Variants in UBASH3B observed in about 807,000 individuals in gnomAD.
UBASH3B encodes ubiquitin associated and SH3 domain containing B.
A neutral mutation model predicts 83.4 loss-of-function variants in UBASH3B; 37 were observed. The ratio of observed to expected loss-of-function variants is 0.44; its 90% CI spans 0.34 to 0.58. UBASH3B has a LOEUF of 0.58. UBASH3B is among the 20% of genes least tolerant of loss of function. The probability of loss-of-function intolerance (pLI) is 0.01; values close to 1 mark genes in which losing one functional copy is unlikely to be tolerated. For synonymous variants in UBASH3B, 304 were observed against 318.3 expected (o/e 0.96, Z 0.48); for missense variants, 657 against 827.2 (o/e 0.79, Z 2.52).
chr11:122,770,510 T>G (rs1860624488), intron 1 of UBASH3B, among the ~76,000 whole-genome samples: 1 of 151,972 alleles, frequency 6.6e-6, no homozygotes, highest in Non-Finnish European at 1.5e-5. Context: ...GCAGAAGGTA[T>G]TCCTTAGACA....
intron 1 of UBASH3B, among the ~76,000 whole-genome samples, chr11:122,696,884 A>G (rs370493705): frequency 1.3e-5 from 2 of 152,188 alleles, no homozygotes; most frequent in East Asian, 1.9e-4. Flanking sequence ...TGTTCAGAGC[A>G]AGCGTGGGTG....
At position 122,813,477 on chromosome 11, in the gene UBASH3B, A is replaced by C. The variant is rs1175657910; in HGVS notation, c.*3591A>C. 6.6e-6 allele frequency: 1 copy of C among 152,242 alleles called. No homozygotes were observed. Among genetic ancestry groups the C allele is most frequent in the Non-Finnish European group, 1.5e-5 (1 of 68,044 alleles). The allele number at this position is 152,242 out of a possible 1,614,324, so 9.4% of individuals were successfully genotyped here. A position where few individuals can be genotyped will look rare whatever the true frequency, so the allele number is the denominator to read the frequency against. ...CTTTTGAAATTACTCTAAGTAATCC[A>C]TGTGTTAGAATACAGATGAACCTCC... On this transcript the variant is annotated 3_prime_UTR_variant, in exon 14 of 14. Transcript: ENST00000284273.
At chr11:122,700,138 C>A (rs910642730) in intron 1 of UBASH3B, among the ~76,000 whole-genome samples, 7 of 152,184 alleles carry the variant, frequency 4.6e-5, no homozygotes, top group African/African-American at 9.7e-5. Flanking sequence ...ACTGAGGTAA[C>A]CATCATTCCC....
intron 1 of UBASH3B, among the ~76,000 whole-genome samples, chr11:122,712,176 C>T (rs999796419): frequency 6.6e-6 from 1 of 152,062 alleles, no homozygotes; most frequent in Non-Finnish European, 1.5e-5. Flanking sequence ...TCTCAGATAC[C>T]AGGAGCAAGT....
chr11:122,730,652 A>G (rs896512876), intron 1 of UBASH3B, among the ~76,000 whole-genome samples: 12 of 150,664 alleles, frequency 8.0e-5, no homozygotes, highest in African/African-American at 2.9e-4. Context: ...CTGGAGTGCA[A>G]TGGCACGATC....
At chr11:122,743,412 C>T (rs4935807) in intron 1 of UBASH3B, among the ~76,000 whole-genome samples, 33,717 of 151,938 alleles carry the variant, frequency 0.22, 3,789 homozygotes, top group Middle Eastern at 0.31. Context: ...TTGGGGGTCT[C>T]GCTATGTTGC....
chr11:122,655,863 C>T lies in UBASH3B; in HGVS notation c.-187C>T. On this transcript the variant is annotated 5_prime_UTR_variant, in exon 1 of 14. Coordinates refer to ENST00000284273, the MANE Select transcript of UBASH3B (RefSeq NM_032873.5). ...GCGGCCGCTTGCCGGCGTTCTGGCTCCTGTGGCCTCACCAGGAAGCGTCAG... is the reference window on the plus strand; with the variant it reads ...GCGGCCGCTTGCCGGCGTTCTGGCTTCTGTGGCCTCACCAGGAAGCGTCAG... 3 of 623,344 alleles carry T rather than the reference C, an allele frequency of 4.8e-6. No individual in the cohort carries two copies. The highest frequency in any genetic ancestry group is 4.0e-5 in the Admixed American group (1 of 25,160). The allele number at this position is 623,344 out of a possible 1,614,324, so 38.6% of individuals were successfully genotyped here.
In UBASH3B at chr11:122,690,867, T is replaced by C. The variant is rs11218759; in HGVS notation, c.161+34657T>C. Reference sequence around the variant, plus strand: ...GAGTCAGACTTGTCATCTTGCGCTCTGTAATATGCTACTAATATCATAGTA... The same window carrying C: ...GAGTCAGACTTGTCATCTTGCGCTCCGTAATATGCTACTAATATCATAGTA... On this transcript the variant is annotated intron_variant, in intron 1 of 13. Coordinates refer to ENST00000284273, the MANE Select transcript of UBASH3B (RefSeq NM_032873.5). Among the ~76,000 whole-genome samples the C allele has an allele frequency of 7.4e-3, 1,120 of 152,300 alleles. 37 individuals carry two copies. In the East Asian group the frequency reaches 0.11, roughly 15 times the overall value.
intron 1 of UBASH3B, among the ~76,000 whole-genome samples, chr11:122,757,111 C>G (rs1041349028): frequency 6.6e-6 from 1 of 152,220 alleles, no homozygotes; most frequent in Non-Finnish European, 1.5e-5. Context: ...TTTGCCTACA[C>G]GCACATGCAC....
chr11:122,745,340 G>A (rs1278872672), intron 1 of UBASH3B, among the ~76,000 whole-genome samples: 1 of 152,162 alleles, frequency 6.6e-6, no homozygotes, highest in Admixed American at 6.5e-5. Context: ...TAGCTGGCAG[G>A]GGTCAGTGCA....
chr11:122,738,939 T>C (rs2135958506), intron 1 of UBASH3B, among the ~76,000 whole-genome samples: 1 of 152,194 alleles, frequency 6.6e-6, no homozygotes, highest in African/African-American at 2.4e-5. Flanking sequence ...TGAATTTTGC[T>C]TTGTGTGGAT....
intron 1 of UBASH3B, among the ~76,000 whole-genome samples, chr11:122,751,516 C>T (rs1198166612): frequency 6.6e-6 from 1 of 152,252 alleles, no homozygotes; most frequent in Non-Finnish European, 1.5e-5. Context: ...AGCCCACCTC[C>T]TGGCTCCAGC....
chr11:122,727,552 C>T (rs1326504256), intron 1 of UBASH3B: 2 of 152,108 alleles, frequency 1.3e-5, no homozygotes, highest in African/African-American at 2.4e-5. Context: ...AGCACCAGGC[C>T]CAGCAAGCCC....
intron 1 of UBASH3B, among the ~76,000 whole-genome samples, chr11:122,721,268 A>AT (rs1491219696): frequency 6.9e-6 from 1 of 145,846 alleles, no homozygotes; most frequent in African/African-American, 2.6e-5. Context: ...AAAAAAAAAA[A>AT]GAATGAATGA....
chr11:122,809,700 C>T, intron 13 of UBASH3B, 49 bp from the exon 14 acceptor site: 1 of 1,602,982 alleles, frequency 6.2e-7, no homozygotes, highest in Non-Finnish European at 8.5e-7. Context: ...AAAGTTAAAG[C>T]ATTAAACCTA....
intron 1 of UBASH3B, among the ~76,000 whole-genome samples, chr11:122,720,433 G>T (rs1860604481): frequency 6.6e-6 from 1 of 152,222 alleles, no homozygotes; most frequent in South Asian, 2.1e-4. Context: ...TTGCTTTCTT[G>T]TAGTCTCTTC....
At chr11:122,696,527 T>C (rs554708771) in intron 1 of UBASH3B, among the ~76,000 whole-genome samples, 1 of 152,176 alleles carries the variant, frequency 6.6e-6, no homozygotes, top group East Asian at 1.9e-4. Flanking sequence ...GCTAGGCTGG[T>C]CTCAAATGCC....
At chr11:122,708,677 C>A (rs1211221847) in intron 1 of UBASH3B, among the ~76,000 whole-genome samples, 1 of 152,190 alleles carries the variant, frequency 6.6e-6, no homozygotes, top group East Asian at 1.9e-4. Flanking sequence ...CATTCACTTG[C>A]ATCCCTCAAA....
chr11:122,677,623 A>C (rs1169703769), intron 1 of UBASH3B, among the ~76,000 whole-genome samples: 1 of 152,186 alleles, frequency 6.6e-6, no homozygotes, highest in Non-Finnish European at 1.5e-5. Context: ...TGCCTGGTAC[A>C]TAATAAGCAC....
Sources: allele counts gnomAD v4.1 joint callset (sites outside exome capture counted in the v4.1 genomes callset), GRCh38; gene constraint gnomAD v4.1.1; transcripts MANE v1.5; gene names NCBI Gene and HGNC (gene_info 2026-07-23, HGNC 2026-07-21).